The following DST variants were observed in gnomAD, a reference collection of about 807,000 sequenced individuals.
DST encodes the protein dystonin.
DST carries 253 observed loss-of-function variants against 875.2 expected under a neutral mutation model. The observed-to-expected ratio is 0.29, with a 90% confidence interval of 0.26 to 0.32. The LOEUF (loss-of-function observed/expected upper bound fraction) is 0.32. Ranked by LOEUF, DST falls within the 10% of genes least tolerant of loss-of-function variation. The probability of loss-of-function intolerance (pLI) is 1.00; values close to 1 mark genes in which losing one functional copy is unlikely to be tolerated. For synonymous variants in DST, 3,124 were observed against 3,197.1 expected, an observed-to-expected ratio of 0.98 and a Z score of 0.77; for missense variants, 8,287 against 9,111.6, an observed-to-expected ratio of 0.91 and a Z score of 3.68.
intron 55 of DST, among the ~76,000 whole-genome samples, chr6:56,567,675 G>T (rs986733459): frequency 6.6e-6 from 1 of 152,018 alleles, no homozygotes; most frequent in Non-Finnish European, 1.5e-5. Context: ...TGGAATAAAT[G>T]GTTGGCTGAG....
chr6:56,595,790 A>C lies in DST; in HGVS notation c.12196-1597T>G, dbSNP rs923364839. Among the ~76,000 whole-genome samples, 288 of 137,444 alleles carry C rather than the reference A, an allele frequency of 2.1e-3. 2 individuals are homozygous for C. Among genetic ancestry groups the C allele is most frequent in the African/African-American group, 9.9e-3 (277 of 27,948 alleles). 90.2% of individuals were successfully genotyped at this position (137,444 alleles called of 152,430 possible). A position where few individuals can be genotyped will look rare whatever the true frequency, so the allele number is the denominator to read the frequency against. On this transcript the variant is annotated intron_variant, in intron 47 of 103. Transcript: ENST00000680361. Reference sequence around the variant, plus strand: ...TACATTCATATGCTACCCCCACCCCACCCCGAGAAGGGCTTTGCACAAAAT... The same window carrying C: ...TACATTCATATGCTACCCCCACCCCCCCCCGAGAAGGGCTTTGCACAAAAT...
In DST at chr6:56,645,970, G is replaced by A. The variant is rs892229536; in HGVS notation, c.1674C>T (p.Ile558=). ...TTGGATGATAACCTTGAAGGAGCTTGATGCGTCCAAATTCTATCCAAATCT... is the reference window on the plus strand; with the variant it reads ...TTGGATGATAACCTTGAAGGAGCTTAATGCGTCCAAATTCTATCCAAATCT... ...LLEIWIEFGR[I]KLLQGYHPND... Residue 558 remains isoleucine (I), a synonymous_variant, in exon 15 of 104, where the codon ATC becomes ATT. Coordinates refer to ENST00000680361, the MANE Select transcript of DST (RefSeq NM_001374736.1). 2 of 1,613,066 alleles carry A rather than the reference G, an allele frequency of 1.2e-6. No individual in the cohort carries two copies. The highest frequency in any genetic ancestry group is 2.7e-5 in the African/African-American group (2 of 74,838).
At chr6:56,527,778 G>A (rs368815812) in intron 67 of DST, 44 bp from the exon 68 acceptor site, 65 of 1,547,908 alleles carry the variant, frequency 4.2e-5, no homozygotes, top group Non-Finnish European at 5.7e-5. Context: ...GGAAAAAAAA[G>A]GCAGGGAGAG....
Position 56,552,376 on chromosome 6 carries a change from T to C in DST, c.16416A>G (p.Gln5472=), listed in dbSNP as rs1170268277. The C allele has an allele frequency of 2.5e-6, 4 of 1,613,866 alleles. No individual in the cohort carries two copies. In the African/African-American group the frequency reaches 5.3e-5, roughly 22 times the overall value. ...GGGCTCGGTCCAGTAACTTGTTGCA[T>C]TGTTTGCTTAAGGCCTCCAAGTCCC... ...IKRDLEALSK[Q]CNKLLDRAQA... The change falls in exon 61 of 104, where the codon CAA becomes CAG. Residue 5472 remains glutamine (Q), a synonymous_variant. Coordinates refer to ENST00000680361, the MANE Select transcript of DST (RefSeq NM_001374736.1).
intron 49 of DST, among the ~76,000 whole-genome samples, chr6:56,584,384 G>A (rs1002248195): frequency 2.0e-5 from 3 of 151,962 alleles, no homozygotes; most frequent in Non-Finnish European, 2.9e-5. Context: ...TCATGATTTG[G>A]CTCTCTGTTT....
intron 53 of DST, 111 bp downstream of exon 53, chr6:56,571,989 G>T: frequency 2.0e-6 from 1 of 488,256 alleles, no homozygotes; most frequent in Non-Finnish European, 3.3e-6. Flanking sequence ...GTAGCCCTAT[G>T]CTTATTCTCA....
chr6:56,536,216 T>C (rs55884102), intron 62 of DST, among the ~76,000 whole-genome samples: 139 of 152,322 alleles, frequency 9.1e-4, no homozygotes, highest in Middle Eastern at 3.4e-3. Context: ...TTTTCTCTCA[T>C]GGGAATTTAG....
At chr6:56,698,846 G>A (rs775857738) in intron 9 of DST, among the ~76,000 whole-genome samples, 14 of 152,102 alleles carry the variant, frequency 9.2e-5, no homozygotes, top group South Asian at 2.1e-4. Context: ...GTACAAGTGC[G>A]GATTTGTTAC....
chr6:56,470,314 CTT>C (rs2094818987), intron 95 of DST, 32 bp from the exon 96 acceptor site: 1 of 1,527,504 alleles, frequency 6.5e-7, no homozygotes, highest in East Asian at 2.3e-5. Flanking sequence ...TAAGTAGTGA[CTT>C]GTTAGTTCTT....
intron 49 of DST, 146 bp downstream of exon 49, chr6:56,592,036 T>TAA: frequency 1.8e-6 from 1 of 554,024 alleles, no homozygotes; most frequent in East Asian, 3.5e-5. Flanking sequence ...TGTGGAGAAA[T>TAA]AGAGTCAAAA....
At chr6:56,599,453 C>T (rs2098422547) in intron 45 of DST, among the ~76,000 whole-genome samples, 1 of 152,002 alleles carries the variant, frequency 6.6e-6, no homozygotes, top group African/African-American at 2.4e-5. Flanking sequence ...GTGACTTACA[C>T]AATATTTACT....
At chr6:56,826,829 A>G (rs146373902) in intron 4 of DST, among the ~76,000 whole-genome samples, 167 of 152,328 alleles carry the variant, frequency 1.1e-3, no homozygotes, top group African/African-American at 3.8e-3. Flanking sequence ...ATTCTGAAAT[A>G]CTGCTGGGTC....
At chr6:56,872,847 G>A (rs1187053602) in intron 3 of DST, among the ~76,000 whole-genome samples, 2 of 69,828 alleles carry the variant, frequency 2.9e-5, no homozygotes, top group African/African-American at 1.7e-4. Context: ...TTTTTTTTTC[G>A]GATATATACC....
chr6:56,736,081 G>A (rs2099522574), intron 4 of DST, among the ~76,000 whole-genome samples: 1 of 151,832 alleles, frequency 6.6e-6, no homozygotes, highest in Non-Finnish European at 1.5e-5. Flanking sequence ...TTTTAGTAAG[G>A]GTTTCACCAT....
intron 5 of DST, among the ~76,000 whole-genome samples, chr6:56,725,308 AC>A (rs762784241): frequency 6.6e-6 from 1 of 152,168 alleles, no homozygotes; most frequent in Non-Finnish European, 1.5e-5. Flanking sequence ...TACCCTGTTG[AC>A]CTTCCTATGC....
chr6:56,598,125 A>G (rs1328567522), intron 46 of DST, 119 bp from the exon 47 acceptor site: 7 of 965,334 alleles, frequency 7.3e-6, no homozygotes, highest in Non-Finnish European at 9.9e-6. Context: ...AAAAACTGAC[A>G]CAATTGAAAA....
chr6:56,651,371 G>C, intron 10 of DST, 127 bp from the exon 11 acceptor site: 1 of 554,464 alleles, frequency 1.8e-6, no homozygotes, highest in Non-Finnish European at 3.1e-6. Flanking sequence ...TTAAAATGCA[G>C]AGACTTTCAT....
At chr6:56,869,588 A>G (rs547321165) in intron 3 of DST, among the ~76,000 whole-genome samples, 38 of 152,136 alleles carry the variant, frequency 2.5e-4, no homozygotes, top group African/African-American at 7.9e-4. Context: ...CTGGACAGAG[A>G]AGAAAAAAAA....
Position 56,856,480 on chromosome 6 carries a change from C to CA in DST, c.418-4877dup, listed in dbSNP as rs200121381. 8.4e-3 allele frequency among the ~76,000 whole-genome samples: 1,274 copies of CA among 151,600 alleles called. 14 individuals carry two copies. The highest frequency in any genetic ancestry group is 0.026 in the African/African-American group (1,071 of 41,340). ...TGTATGTGTATTTCAAAATATTCAC[C>CA]AAAAAAAACCCAAAAATAGAAAGCA... is the stretch of plus-strand genomic sequence containing the variant. On this transcript the variant is annotated intron_variant, in intron 3 of 103. Transcript: ENST00000680361.
Sources: gnomAD v4.1 joint callset for allele counts (sites outside exome capture counted in the v4.1 genomes callset) on GRCh38, gnomAD v4.1.1 for gene constraint, MANE v1.5 for transcripts, NCBI Gene and HGNC (gene_info 2026-07-23, HGNC 2026-07-21) for gene names.